Variants in ZNF644 observed in about 807,000 individuals in gnomAD.
The protein encoded by ZNF644 is zinc finger motif enhancer binding protein 2.
ZNF644 carries 20 observed loss-of-function variants against 108.0 expected under a neutral mutation model. The observed-to-expected ratio is 0.19, with a 90% CI of 0.13 to 0.27. The LOEUF is 0.27. Ranked by LOEUF, ZNF644 falls within the 10% of genes least tolerant of loss-of-function variation. The probability of loss-of-function intolerance (pLI) is 1.00; values close to 1 mark genes in which losing one functional copy is unlikely to be tolerated. For missense variants in ZNF644, 1,338 were observed against 1,548.9 expected (o/e 0.86, Z 2.29); for synonymous variants, 542 against 539.1 (o/e 1.01, Z -0.08).
chr1:91,011,803 G>C (rs1386300171), intron 1 of ZNF644, among the ~76,000 whole-genome samples: 1 of 151,956 alleles, frequency 6.6e-6, no homozygotes, highest in African/African-American at 2.4e-5. Context: ...ATTACAATCA[G>C]AAATACCCAA....
chr1:90,986,704 A>G (rs1260819309), intron 1 of ZNF644, among the ~76,000 whole-genome samples: 1 of 152,070 alleles, frequency 6.6e-6, no homozygotes, highest in African/African-American at 2.4e-5. Context: ...AGAAAACTAA[A>G]CACTGACAAT....
chr1:90,928,751 T>C (rs1253651439), intron 4 of ZNF644, among the ~76,000 whole-genome samples: 2 of 152,202 alleles, frequency 1.3e-5, no homozygotes, highest in African/African-American at 4.8e-5. Flanking sequence ...ACACTTGAAC[T>C]CCAAGTTCCA....
chr1:90,920,724 T>G (rs1437265427), intron 4 of ZNF644, among the ~76,000 whole-genome samples: 2 of 151,998 alleles, frequency 1.3e-5, no homozygotes, highest in Non-Finnish European at 1.5e-5. Context: ...AGCTTATGAC[T>G]GATCAATCAT....
At chr1:90,977,282 CA>C (rs1446462006) in intron 2 of ZNF644, among the ~76,000 whole-genome samples, 1 of 151,276 alleles carries the variant, frequency 6.6e-6, no homozygotes, top group Non-Finnish European at 1.5e-5. Flanking sequence ...TAGTTTGTAG[CA>C]AACTATAAAG....
intron 4 of ZNF644, among the ~76,000 whole-genome samples, chr1:90,934,431 G>T (rs760374859): frequency 1.3e-5 from 2 of 152,130 alleles, no homozygotes; most frequent in African/African-American, 2.4e-5. Flanking sequence ...TGATTGGAAA[G>T]AATTTTAGGC....
intron 4 of ZNF644, among the ~76,000 whole-genome samples, chr1:90,926,861 T>A (rs1650094727): frequency 6.6e-6 from 1 of 152,184 alleles, no homozygotes; most frequent in African/African-American, 2.4e-5. Context: ...AAATCCTTTA[T>A]TTAAAAAGCA....
At position 91,007,807 on chromosome 1, in the gene ZNF644, TGTC is replaced by T. The variant is rs200997161; in HGVS notation, c.-18+14180_-18+14182del. Among the ~76,000 whole-genome samples the T allele has an allele frequency of 3.0e-3, 464 of 152,350 alleles. 5 individuals are homozygous for T. The highest frequency in any genetic ancestry group is 8.5e-3 in the African/African-American group (355 of 41,584). On this transcript the variant is annotated intron_variant, in intron 1 of 5. Transcript: ENST00000337393. ...AATCAGTTAACTTTTTACAAAAACT[TGTC>T]TTCTTCTTGAAGTATTTCCATTTCC...
At chr1:90,966,747 CAAAAAA>C (rs67549954) in intron 2 of ZNF644, among the ~76,000 whole-genome samples, 1 of 73,916 alleles carries the variant, frequency 1.4e-5, no homozygotes, top group Non-Finnish European at 2.5e-5. Context: ...GACTCAGTCT[CAAAAAA>C]AAAAAAAAAA....
chr1:90,942,735 A>G (rs1652120353), intron 2 of ZNF644, among the ~76,000 whole-genome samples: 1 of 152,220 alleles, frequency 6.6e-6, no homozygotes, highest in South Asian at 2.1e-4. Context: ...AGGTCCTCAA[A>G]ATATCCAGTA....
chr1:90,922,601 T>C (rs1199797506), intron 4 of ZNF644, among the ~76,000 whole-genome samples: 1 of 152,110 alleles, frequency 6.6e-6, no homozygotes, highest in African/African-American at 2.4e-5. Context: ...TTTAAACCTT[T>C]ATTTTAACTT....
At chr1:90,946,741 T>C (rs1418350904) in intron 2 of ZNF644, among the ~76,000 whole-genome samples, 4 of 151,656 alleles carry the variant, frequency 2.6e-5, no homozygotes, top group East Asian at 1.9e-4. Flanking sequence ...TCCTTGGCAA[T>C]ACCAAAACAC....
intron 1 of ZNF644, among the ~76,000 whole-genome samples, chr1:91,002,053 T>C (rs940181341): frequency 6.6e-6 from 1 of 152,078 alleles, no homozygotes; most frequent in African/African-American, 2.4e-5. Context: ...GGAAGAACAT[T>C]CCATGCTCAT....
intron 5 of ZNF644, 95 bp from the exon 6 acceptor site, chr1:90,917,085 A>G: frequency 7.6e-7 from 1 of 1,317,982 alleles, no homozygotes. Flanking sequence ...AAACTTTATC[A>G]TATTTTAAAG....
chr1:91,002,254 C>G (rs1205201392), intron 1 of ZNF644, among the ~76,000 whole-genome samples: 1 of 152,164 alleles, frequency 6.6e-6, no homozygotes, highest in Non-Finnish European at 1.5e-5. Context: ...AAGCTGGAGG[C>G]ATCACGCTAC....
At chr1:90,923,395 A>C (rs1362507021) in intron 4 of ZNF644, among the ~76,000 whole-genome samples, 2 of 152,068 alleles carry the variant, frequency 1.3e-5, no homozygotes, top group African/African-American at 4.8e-5. Flanking sequence ...CCCACTCTAC[A>C]CAGTATTAAA....
In ZNF644 at chr1:90,974,415, C is replaced by T. The variant is rs535758841; in HGVS notation, c.44+7895G>A. ...TATAGATAGGTCTCATATCTAACTG[C>T]CACCTGACATTTCTACTCAGAAGTC... On this transcript the variant is annotated intron_variant, in intron 2 of 5. Coordinates refer to ENST00000337393, the MANE Select transcript of ZNF644 (RefSeq NM_201269.3). Among the ~76,000 whole-genome samples, 3 of 152,214 alleles carry T rather than the reference C, an allele frequency of 2.0e-5. No homozygotes were observed. The East Asian group carries it at 5.8e-4, about 29-fold the overall frequency.
rs1371392055 is a variant in ZNF644 at position 90,939,622 on chromosome 1, C to T, written c.1732G>A (p.Gly578Arg). The T allele has an allele frequency of 2.5e-6, 4 of 1,613,962 alleles. No homozygotes were observed. In the South Asian group the frequency reaches 3.3e-5, roughly 13 times the overall value. ...TAGGTAGCTGATTTTTTGGATGATC[C>T]TACTACAGAGTCTTTCATGAAAGTC... ...KKTFMKDSVV[G>R]SSKKSATYIC... The change falls in exon 3 of 6, where the codon GGA becomes AGA. Residue 578 changes from glycine to arginine, a missense_variant. Transcript: ENST00000337393.
chr1:90,983,481 C>CAAAAAAAAA, intron 1 of ZNF644, among the ~76,000 whole-genome samples: 1 of 63,426 alleles, frequency 1.6e-5, no homozygotes, highest in Non-Finnish European at 3.5e-5. Flanking sequence ...CCTCATATGG[C>CAAAAAAAAA]AAAAAAAAAA....
intron 4 of ZNF644, 32 bp downstream of exon 4, chr1:90,937,453 T>A: frequency 3.1e-6 from 5 of 1,613,096 alleles, no homozygotes; most frequent in Non-Finnish European, 4.2e-6. Flanking sequence ...GCATTTAAAC[T>A]GTGTATAGCA....
Sources: gnomAD v4.1 joint callset for allele counts (sites outside exome capture counted in the v4.1 genomes callset) on GRCh38, gnomAD v4.1.1 for gene constraint, MANE v1.5 for transcripts, NCBI Gene and HGNC (gene_info 2026-07-23, HGNC 2026-07-21) for gene names.